NRXN1: variants seen among roughly 807,000 people sequenced by gnomAD.
NRXN1 encodes neurexin-1.
NRXN1 carries 39 observed loss-of-function variants against 150.9 expected under a neutral mutation model. The observed-to-expected ratio is 0.26, with a 90% CI of 0.20 to 0.34. The LOEUF (loss-of-function observed/expected upper bound fraction) is 0.34. Among genes scored for constraint, NRXN1 ranks in the 10% least tolerant of loss-of-function variants. NRXN1 has a pLI of 1.00. For synonymous variants in NRXN1, 924 were observed against 757.0 expected, an observed-to-expected ratio of 1.22 and a Z score of -3.62; for missense variants, 1,815 against 1,949.9, an observed-to-expected ratio of 0.93 and a Z score of 1.30.
chr2:50,213,425 A>G (rs2063171882), intron 18 of NRXN1, among the ~76,000 whole-genome samples: 1 of 151,918 alleles, frequency 6.6e-6, no homozygotes, highest in Admixed American at 6.6e-5. Flanking sequence ...GTTTGTAAAA[A>G]CAATGGCACT....
At chr2:50,631,415 T>G (rs181226083) in intron 5 of NRXN1, 43 of 194,764 alleles carry the variant, frequency 2.2e-4, no homozygotes, top group African/African-American at 8.4e-4. Context: ...TTTAGTCCAG[T>G]GCCTTCATTT....
intron 18 of NRXN1, among the ~76,000 whole-genome samples, chr2:50,123,473 G>A (rs903917252): frequency 3.3e-5 from 5 of 152,146 alleles, no homozygotes; most frequent in Non-Finnish European, 7.4e-5. Flanking sequence ...TGTGAGGGGT[G>A]CAGTCAATGG....
intron 8 of NRXN1, among the ~76,000 whole-genome samples, chr2:50,578,847 G>T (rs912129729): frequency 1.3e-5 from 2 of 151,858 alleles, no homozygotes; most frequent in African/African-American, 4.8e-5. Context: ...TTATTATTTT[G>T]ATTGGGGTCA....
intron 2 of NRXN1, among the ~76,000 whole-genome samples, chr2:51,001,486 T>C (rs564708653): frequency 2.6e-4 from 40 of 152,100 alleles, no homozygotes; most frequent in Non-Finnish European, 1.5e-5. Context: ...TTTATTAAAA[T>C]TGTAATAAAT....
chr2:50,346,201 G>C lies in NRXN1; in HGVS notation c.3365-109231C>G, dbSNP rs2077951751. Among the ~76,000 whole-genome samples, 5 of 152,188 alleles carry C rather than the reference G, an allele frequency of 3.3e-5. No homozygotes were observed. The South Asian group carries it at 1.0e-3, about 32-fold the overall frequency. On this transcript the variant is annotated intron_variant, in intron 17 of 22. Transcript: ENST00000401669. The surrounding 1 kb of genome is among the most constrained non-coding windows in gnomAD (Gnocchi z 5.0). Reference sequence around the variant, plus strand: ...GTCACTGCAGTCTGGGCGCACTTTGGAGGAATGTGCGGGCTGGAATCTCTC... The same window carrying C: ...GTCACTGCAGTCTGGGCGCACTTTGCAGGAATGTGCGGGCTGGAATCTCTC...
chr2:50,171,372 T>C (rs1437809970), intron 18 of NRXN1, among the ~76,000 whole-genome samples: 1 of 152,150 alleles, frequency 6.6e-6, no homozygotes, highest in African/African-American at 2.4e-5. Context: ...CTATTTCATA[T>C]CAGTTCTAGA....
intron 5 of NRXN1, among the ~76,000 whole-genome samples, chr2:50,640,483 C>T (rs1473790741): frequency 6.6e-6 from 1 of 152,110 alleles, no homozygotes; most frequent in Admixed American, 6.6e-5. Context: ...CACTTAAATG[C>T]ATTTCTTCCT....
At chr2:49,989,151 G>A (rs572698080) in intron 21 of NRXN1, among the ~76,000 whole-genome samples, 27 of 152,244 alleles carry the variant, frequency 1.8e-4, no homozygotes, top group African/African-American at 6.5e-4. Context: ...CAAGTCCAAT[G>A]GCTTGTGTGC....
chr2:50,490,898 A>C (rs1464011612), intron 15 of NRXN1, among the ~76,000 whole-genome samples: 1 of 152,142 alleles, frequency 6.6e-6, no homozygotes. Context: ...TGGATCCTTA[A>C]AATAATCTAC....
intron 5 of NRXN1, among the ~76,000 whole-genome samples, chr2:50,731,890 T>A (rs1698151056): frequency 6.6e-6 from 1 of 152,194 alleles, no homozygotes; most frequent in Non-Finnish European, 1.5e-5. Context: ...GCTGTTGGGA[T>A]AACGGGCCCA....
At chr2:49,971,943 T>G (rs999356654) in intron 21 of NRXN1, among the ~76,000 whole-genome samples, 2 of 152,144 alleles carry the variant, frequency 1.3e-5, no homozygotes, top group Non-Finnish European at 2.9e-5. Flanking sequence ...AATGGAAACT[T>G]TCTTTGGAGA....
At chr2:50,475,722 A>C (rs1366182341) in intron 15 of NRXN1, among the ~76,000 whole-genome samples, 3 of 151,942 alleles carry the variant, frequency 2.0e-5, no homozygotes, top group African/African-American at 7.3e-5. Context: ...CTGTTTATAA[A>C]CTCTTTGATA....
At position 50,591,238 on chromosome 2, in the gene NRXN1, G is replaced by A. The variant is rs562876133; in HGVS notation, c.1320+28784C>T. On this transcript the variant is annotated intron_variant, in intron 8 of 22. Coordinates refer to ENST00000401669, the MANE Select transcript of NRXN1 (RefSeq NM_001330078.2). ...TTTATCCGAACTTGGTTTCTAGCAT[G>A]TAGTAAAATGTCTGATGACTCGACA... is the stretch of plus-strand genomic sequence containing the variant. Among the ~76,000 whole-genome samples the A allele has an allele frequency of 3.3e-5, 5 of 149,616 alleles. No individual in the cohort carries two copies. In the East Asian group the frequency reaches 9.8e-4, roughly 29 times the overall value.
intron 21 of NRXN1, among the ~76,000 whole-genome samples, chr2:50,002,205 T>C (rs1192270666): frequency 6.6e-6 from 1 of 152,068 alleles, no homozygotes; most frequent in African/African-American, 2.4e-5. Flanking sequence ...AACAAATGTG[T>C]TGTCTAGAGC....
At chr2:50,138,897 C>T (rs539877608) in intron 18 of NRXN1, among the ~76,000 whole-genome samples, 1 of 152,096 alleles carries the variant, frequency 6.6e-6, no homozygotes, top group Non-Finnish European at 1.5e-5. Flanking sequence ...GCCATAAAAC[C>T]CTGATTTGAA....
At chr2:50,689,818 T>A (rs1176206993) in intron 5 of NRXN1, among the ~76,000 whole-genome samples, 1 of 151,888 alleles carries the variant, frequency 6.6e-6, no homozygotes, top group African/African-American at 2.4e-5. Flanking sequence ...ATAAGCCCAT[T>A]TGAGGCTTCC....
At chr2:49,973,933 C>A (rs772830143) in intron 21 of NRXN1, 9 of 714,992 alleles carry the variant, frequency 1.3e-5, no homozygotes, top group South Asian at 1.2e-4. Context: ...CAGATCTAAG[C>A]TGTGCTCAGC....
At chr2:50,034,499 G>C (rs1269483925) in intron 21 of NRXN1, among the ~76,000 whole-genome samples, 1 of 152,012 alleles carries the variant, frequency 6.6e-6, no homozygotes, top group East Asian at 1.9e-4. Context: ...GTGGAGGGTG[G>C]AGGTTGGGAA....
chr2:50,059,198 T>G (rs915592504), intron 19 of NRXN1, among the ~76,000 whole-genome samples: 2 of 152,214 alleles, frequency 1.3e-5, no homozygotes, highest in South Asian at 2.1e-4. Context: ...GATGAGGAAC[T>G]TATTGGGAAC....
Sources: allele counts gnomAD v4.1 joint callset (sites outside exome capture counted in the v4.1 genomes callset), GRCh38; gene constraint gnomAD v4.1.1; non-coding constraint Gnocchi (gnomAD v3.1); transcripts MANE v1.5; gene names NCBI Gene and HGNC (gene_info 2026-07-23, HGNC 2026-07-21).